The following SNTG1 variants were observed in gnomAD, a reference collection of about 807,000 sequenced individuals.
SNTG1 encodes gamma-1-syntrophin.
SNTG1 carries 39 observed loss-of-function variants against 74.7 expected under a neutral mutation model. That is an observed-to-expected ratio of 0.52 (90% CI 0.40 to 0.68). SNTG1 has a LOEUF of 0.68. Among genes scored for constraint, SNTG1 ranks in the 30% least tolerant of loss-of-function variants. The pLI, the probability that SNTG1 is intolerant of heterozygous loss-of-function variation, is 0.00. For synonymous variants in SNTG1, 254 were observed against 217.1 expected (o/e 1.17, Z -1.49); for missense variants, 685 against 609.5 (o/e 1.12, Z -1.30).
intron 1 of SNTG1, among the ~76,000 whole-genome samples, chr8:49,923,120 A>G (rs1301443175): frequency 1.3e-5 from 2 of 152,160 alleles, no homozygotes; most frequent in African/African-American, 4.8e-5. Context: ...CTACCGAATA[A>G]CTCAAAGATA....
chr8:49,934,487 A>G (rs1216923723), intron 1 of SNTG1, among the ~76,000 whole-genome samples: 1 of 152,202 alleles, frequency 6.6e-6, no homozygotes, highest in African/African-American at 2.4e-5. Flanking sequence ...ATATAAAATA[A>G]CTGATGCAAG....
intron 9 of SNTG1, among the ~76,000 whole-genome samples, chr8:50,518,009 C>T (rs145596007): frequency 0.024 from 3,707 of 152,122 alleles, 140 homozygotes; most frequent in African/African-American, 0.081. Context: ...ATACATTCTT[C>T]TTAGCACCAC....
intron 12 of SNTG1, among the ~76,000 whole-genome samples, chr8:50,554,243 G>A (rs2130619001): frequency 6.6e-6 from 1 of 152,266 alleles, no homozygotes; most frequent in South Asian, 2.1e-4. Context: ...TAATAGCCAT[G>A]CATATGGTGA....
chr8:50,217,197 C>G (rs2084830795), intron 2 of SNTG1, among the ~76,000 whole-genome samples: 1 of 151,842 alleles, frequency 6.6e-6, no homozygotes, highest in South Asian at 2.1e-4. Flanking sequence ...AAATATTACT[C>G]ATTTATGAAT....
At chr8:50,304,048 A>T (rs2089771089) in intron 2 of SNTG1, among the ~76,000 whole-genome samples, 1 of 152,162 alleles carries the variant, frequency 6.6e-6, no homozygotes, top group African/African-American at 2.4e-5. Context: ...TCCAAAACTC[A>T]TGTTGAAATT....
chr8:50,680,490 A>T (rs1041122454), intron 15 of SNTG1, among the ~76,000 whole-genome samples: 7 of 152,082 alleles, frequency 4.6e-5, no homozygotes, highest in South Asian at 2.1e-4. Context: ...TTCTCATTGG[A>T]CTTTAAGTGT....
intron 9 of SNTG1, among the ~76,000 whole-genome samples, chr8:50,520,808 T>C (rs1223347142): frequency 6.6e-6 from 1 of 152,176 alleles, no homozygotes; most frequent in East Asian, 1.9e-4. Context: ...ATAGGAACGC[T>C]TTTACACTGT....
chr8:50,426,997 C>T (rs2093171806), intron 4 of SNTG1, among the ~76,000 whole-genome samples: 1 of 152,032 alleles, frequency 6.6e-6, no homozygotes, highest in South Asian at 2.1e-4. Context: ...ATGTAGATCA[C>T]ATGTAAATAC....
intron 4 of SNTG1, among the ~76,000 whole-genome samples, chr8:50,431,852 C>T (rs1182713105): frequency 6.6e-6 from 1 of 152,232 alleles, no homozygotes; most frequent in East Asian, 1.9e-4. Context: ...TGCTCAAATA[C>T]TTCAGCCACT....
chr8:50,409,988 G>C (rs3919897), intron 4 of SNTG1, among the ~76,000 whole-genome samples: 1 of 152,142 alleles, frequency 6.6e-6, no homozygotes, highest in Non-Finnish European at 1.5e-5. Context: ...AAAATCAACA[G>C]AACAACTTCT....
At chr8:50,458,232 G>A (rs1309243955) in intron 8 of SNTG1, 2 of 148,360 alleles carry the variant, frequency 1.3e-5, no homozygotes, top group African/African-American at 4.9e-5. Context: ...GACAAAGCAA[G>A]GTTTATTGAA....
intron 2 of SNTG1, among the ~76,000 whole-genome samples, chr8:50,332,742 G>A (rs182509490): frequency 2.4e-4 from 37 of 152,258 alleles, no homozygotes; most frequent in African/African-American, 6.7e-4. Flanking sequence ...CTCCTTAGCC[G>A]TTAGAATAGA....
intron 1 of SNTG1, among the ~76,000 whole-genome samples, chr8:49,938,006 GTCC>G (rs1382006023): frequency 6.6e-6 from 1 of 151,920 alleles, no homozygotes; most frequent in East Asian, 1.9e-4. Flanking sequence ...ATTCGGCCTT[GTCC>G]TTATCTTTGA....
At chr8:50,774,636 A>C (rs1176757788) in intron 18 of SNTG1, among the ~76,000 whole-genome samples, 1 of 151,868 alleles carries the variant, frequency 6.6e-6, no homozygotes, top group South Asian at 2.1e-4. Flanking sequence ...GAAATAATAA[A>C]AACACCATTA....
chr8:50,667,036 A>T (rs1429167812), intron 15 of SNTG1, among the ~76,000 whole-genome samples: 1 of 151,896 alleles, frequency 6.6e-6, no homozygotes. Flanking sequence ...TGTTTCTTAT[A>T]ATATGGTTTA....
At chr8:49,924,417 T>C (rs1346643475) in intron 1 of SNTG1, among the ~76,000 whole-genome samples, 1 of 152,140 alleles carries the variant, frequency 6.6e-6, no homozygotes, top group African/African-American at 2.4e-5. Flanking sequence ...ACACTTCCTG[T>C]TTGTACAAGT....
intron 1 of SNTG1, among the ~76,000 whole-genome samples, chr8:50,118,252 C>A (rs1251617136): frequency 6.6e-6 from 1 of 151,996 alleles, no homozygotes; most frequent in African/African-American, 2.4e-5. Context: ...TGCTTCATGA[C>A]TGGAGAAGAC....
At chr8:50,203,108 A>G (rs956192451) in intron 2 of SNTG1, among the ~76,000 whole-genome samples, 12 of 150,502 alleles carry the variant, frequency 8.0e-5, no homozygotes, top group Admixed American at 6.0e-4. Context: ...TGCTTTTTCC[A>G]TTTCAGTTGG....
intron 2 of SNTG1, among the ~76,000 whole-genome samples, chr8:50,372,841 T>G (rs985158050): frequency 1.3e-5 from 2 of 152,128 alleles, no homozygotes; most frequent in African/African-American, 4.8e-5. Flanking sequence ...GGGTTGAATT[T>G]TAGGAAGTAG....
Sources: gnomAD v4.1 joint callset for allele counts (sites outside exome capture counted in the v4.1 genomes callset) on GRCh38, gnomAD v4.1.1 for gene constraint, MANE v1.5 for transcripts, NCBI Gene and HGNC (gene_info 2026-07-23, HGNC 2026-07-21) for gene names.